Variants in SERINC5 observed in about 807,000 individuals in gnomAD.
SERINC5 encodes the protein serine incorporator 5, also known as chromosome 5 open reading frame 12.
In SERINC5, 41 loss-of-function variants were observed where a neutral mutation model predicts 63.1. The observed-to-expected ratio is 0.65, with a 90% CI of 0.51 to 0.84. SERINC5 has a LOEUF of 0.84. SERINC5 is among the 40% of genes least tolerant of loss of function. The pLI is 0.00. For missense variants in SERINC5, 523 were observed against 573.0 expected (o/e 0.91, Z 0.89); for synonymous variants, 222 against 215.2 (o/e 1.03, Z -0.28).
intron 1 of SERINC5, among the ~76,000 whole-genome samples, chr5:80,232,749 A>C (rs1457450871): frequency 6.6e-6 from 1 of 151,918 alleles, no homozygotes; most frequent in Non-Finnish European, 1.5e-5. Context: ...ACGCCACTGC[A>C]CTCCAGCCTG....
intron 2 of SERINC5, among the ~76,000 whole-genome samples, chr5:80,195,286 C>CAA (rs35770657): frequency 0.066 from 6,531 of 98,716 alleles, 491 homozygotes; most frequent in African/African-American, 0.21. Context: ...AACTCTGTCG[C>CAA]AAAAAAAAAA....
intron 11 of SERINC5, among the ~76,000 whole-genome samples, chr5:80,128,190 T>C (rs1243164445): frequency 6.6e-6 from 1 of 152,226 alleles, no homozygotes; most frequent in Non-Finnish European, 1.5e-5. Context: ...TTTGAAAGTA[T>C]GTTTGTTTTC....
chr5:80,111,259 G>A (rs1021292830), downstream of SERINC5, among the ~76,000 whole-genome samples: 1 of 152,180 alleles, frequency 6.6e-6, no homozygotes, highest in African/African-American at 2.4e-5. Context: ...GCCAGCGACC[G>A]AGAGACGGCT....
chr5:80,198,653 C>A, intron 2 of SERINC5: 1 of 985,360 alleles, frequency 1.0e-6, no homozygotes, highest in Non-Finnish European at 1.2e-6. Context: ...CCAGCAGGAG[C>A]CCAGTGTGCG....
chr5:80,164,018 A>G (rs562403648), intron 7 of SERINC5, among the ~76,000 whole-genome samples: 53 of 152,258 alleles, frequency 3.5e-4, no homozygotes, highest in African/African-American at 1.3e-3. Flanking sequence ...TCTTATTGGA[A>G]GATTTTTTAA....
intron 12 of SERINC5, among the ~76,000 whole-genome samples, chr5:80,111,962 C>T (rs1001260105): frequency 3.3e-5 from 5 of 152,178 alleles, no homozygotes; most frequent in Middle Eastern, 3.2e-3. Context: ...TGGTAAAAGT[C>T]ATCGCCATTC....
chr5:80,181,414 TTTTGTGTG>T (rs1053789691), intron 2 of SERINC5, among the ~76,000 whole-genome samples: 6 of 114,002 alleles, frequency 5.3e-5, no homozygotes, highest in Non-Finnish European at 1.8e-5. Context: ...GCTCAGCTAA[TTTTGTGTG>T]TGTGTGTGTG....
chr5:80,174,511 CAA>C (rs1747893559), intron 5 of SERINC5, among the ~76,000 whole-genome samples: 1 of 151,642 alleles, frequency 6.6e-6, no homozygotes, highest in African/African-American at 2.4e-5. Context: ...AAGATATTTA[CAA>C]AGAGATAAAT....
At chr5:80,159,919 G>A (rs1264070448) in intron 7 of SERINC5, among the ~76,000 whole-genome samples, 2 of 152,084 alleles carry the variant, frequency 1.3e-5, no homozygotes, top group Non-Finnish European at 2.9e-5. Flanking sequence ...ATTTTTACCT[G>A]CCTGTTTATT....
chr5:80,176,923 T>C (rs1477478982), intron 4 of SERINC5, among the ~76,000 whole-genome samples: 1 of 152,236 alleles, frequency 6.6e-6, no homozygotes, highest in African/African-American at 2.4e-5. Context: ...AATTCAATGC[T>C]ACAGAGCTTC....
At chr5:80,204,739 A>G (rs1750065092) in intron 1 of SERINC5, among the ~76,000 whole-genome samples, 1 of 152,234 alleles carries the variant, frequency 6.6e-6, no homozygotes, top group Non-Finnish European at 1.5e-5. Context: ...CATGAAAAAC[A>G]AAAAGTTGGG....
At chr5:80,219,081 T>C in intron 1 of SERINC5, among the ~76,000 whole-genome samples, 1 of 152,198 alleles carries the variant, frequency 6.6e-6, no homozygotes, top group Non-Finnish European at 1.5e-5. Context: ...GAAAACAAAA[T>C]GTCAGACAAC....
chr5:80,222,212 C>G (rs1171147424), intron 1 of SERINC5, among the ~76,000 whole-genome samples: 2 of 151,996 alleles, frequency 1.3e-5, no homozygotes, highest in Non-Finnish European at 2.9e-5. Flanking sequence ...TAAGCACTTT[C>G]CAGACACTGA....
chr5:80,255,868 C>T, intron 1 of SERINC5, 28 bp downstream of exon 1: 2 of 1,588,566 alleles, frequency 1.3e-6, no homozygotes, highest in Non-Finnish European at 8.5e-7. Flanking sequence ...GATCTGACAA[C>T]CCCCGCGCTG....
chr5:80,218,974 C>A (rs892620119), intron 1 of SERINC5, among the ~76,000 whole-genome samples: 6 of 152,210 alleles, frequency 3.9e-5, no homozygotes, highest in African/African-American at 1.4e-4. Context: ...TTCACCTACC[C>A]TAGATCCCAT....
chr5:80,121,486 G>C (rs1288916167), intron 11 of SERINC5, among the ~76,000 whole-genome samples: 1 of 152,078 alleles, frequency 6.6e-6, no homozygotes, highest in African/African-American at 2.4e-5. Context: ...CCACCCCCAT[G>C]ACCCAAACGC....
chr5:80,159,106 C>T (rs2112347443), intron 7 of SERINC5, 144 bp from the exon 8 acceptor site: 1 of 758,142 alleles, frequency 1.3e-6, no homozygotes, highest in East Asian at 2.5e-5. Context: ...TTCTACTCTA[C>T]AGGCTGTTTC....
At chr5:80,236,875 G>C (rs1306187708) in intron 1 of SERINC5, among the ~76,000 whole-genome samples, 2 of 149,926 alleles carry the variant, frequency 1.3e-5, no homozygotes, top group African/African-American at 2.5e-5. Context: ...TTTGAGACAA[G>C]GTCTTGCTCT....
At chr5:80,124,636 G>A (rs1449085787) in intron 11 of SERINC5, among the ~76,000 whole-genome samples, 3 of 152,270 alleles carry the variant, frequency 2.0e-5, no homozygotes, top group South Asian at 4.2e-4. Flanking sequence ...AAAGCAATCC[G>A]AGCTTGGATC....
Sources: gnomAD v4.1 joint callset for allele counts (sites outside exome capture counted in the v4.1 genomes callset) on GRCh38, gnomAD v4.1.1 for gene constraint, MANE v1.5 for transcripts, NCBI Gene and HGNC (gene_info 2026-07-23, HGNC 2026-07-21) for gene names.